Variants in NEDD1 observed in about 807,000 individuals in gnomAD.
The protein encoded by NEDD1 is protein NEDD1.
NEDD1 carries 33 observed loss-of-function variants against 74.0 expected under a neutral mutation model. The observed-to-expected ratio is 0.45, with a 90% CI of 0.34 to 0.60. The LOEUF is 0.60. Ranked by LOEUF, NEDD1 falls within the 20% of genes least tolerant of loss-of-function variation. The pLI, the probability that NEDD1 is intolerant of heterozygous loss-of-function variation, is 0.01. For missense variants in NEDD1, 746 were observed against 776.5 expected (o/e 0.96, Z 0.47); for synonymous variants, 250 against 264.4 (o/e 0.95, Z 0.53).
At chr12:96,917,279 T>C (rs1444609419) in intron 4 of NEDD1, among the ~76,000 whole-genome samples, 2 of 152,168 alleles carry the variant, frequency 1.3e-5, no homozygotes, top group Non-Finnish European at 2.9e-5. Context: ...TCTGTGGAAA[T>C]ACAAGAGCAG....
intron 6 of NEDD1, among the ~76,000 whole-genome samples, chr12:96,921,087 A>G (rs1875032000): frequency 6.6e-6 from 1 of 152,208 alleles, no homozygotes; most frequent in African/African-American, 2.4e-5. Flanking sequence ...AGCTACGTCT[A>G]AGGCTTATTG....
intron 6 of NEDD1, among the ~76,000 whole-genome samples, chr12:96,920,459 G>T (rs943491917): frequency 6.6e-6 from 1 of 152,102 alleles, no homozygotes; most frequent in African/African-American, 2.4e-5. Context: ...ACATAGCTCA[G>T]ATTTTGTCAG....
intron 6 of NEDD1, among the ~76,000 whole-genome samples, chr12:96,927,608 G>T (rs1398531354): frequency 1.3e-5 from 2 of 152,158 alleles, no homozygotes; most frequent in African/African-American, 4.8e-5. Context: ...ATCTTTAAAT[G>T]TAGGTTTTCT....
rs576175542 is a variant in NEDD1 at position 96,909,197 on chromosome 12, C to G, written c.-8-555C>G. 1.8e-4 allele frequency among the ~76,000 whole-genome samples: 25 copies of G among 141,676 alleles called. 1 individual carries two copies. In the East Asian group the frequency reaches 5.2e-3, roughly 30 times the overall value. The allele number at this position is 141,676 out of a possible 152,430, so 92.9% of individuals were successfully genotyped here. A position where few individuals can be genotyped will look rare whatever the true frequency, so the allele number is the denominator to read the frequency against. ...GTCTCAAAAAAAAAAAAAAAAAATTCAGATATTAGGAAGTGCTATGAAAAA... is the reference window on the plus strand; with the variant it reads ...GTCTCAAAAAAAAAAAAAAAAAATTGAGATATTAGGAAGTGCTATGAAAAA... On this transcript the variant is annotated intron_variant, in intron 2 of 15. Transcript: ENST00000266742.
intron 6 of NEDD1, among the ~76,000 whole-genome samples, chr12:96,923,254 AT>A (rs1196825176): frequency 6.6e-6 from 1 of 152,212 alleles, no homozygotes; most frequent in Non-Finnish European, 1.5e-5. Context: ...GCCACCATTT[AT>A]CCATTCTTTT....
intron 9 of NEDD1, among the ~76,000 whole-genome samples, chr12:96,940,052 G>C (rs1877510646): frequency 6.6e-6 from 1 of 152,010 alleles, no homozygotes; most frequent in African/African-American, 2.4e-5. Flanking sequence ...AATAGCAAAA[G>C]TAAGTTGTGT....
intron 6 of NEDD1, among the ~76,000 whole-genome samples, chr12:96,933,606 A>G (rs1399867235): frequency 6.6e-6 from 1 of 152,202 alleles, no homozygotes; most frequent in Non-Finnish European, 1.5e-5. Context: ...GGGCAAATTT[A>G]ATGGGTTAAC....
intron 2 of NEDD1, among the ~76,000 whole-genome samples, chr12:96,908,766 C>CT (rs913920971): frequency 1.1e-4 from 16 of 152,266 alleles, no homozygotes; most frequent in Admixed American, 7.8e-4. Flanking sequence ...GTTTATCATA[C>CT]TTTTTTTAAA....
At chr12:96,915,703 C>T (rs1358804637) in intron 4 of NEDD1, among the ~76,000 whole-genome samples, 1 of 152,154 alleles carries the variant, frequency 6.6e-6, no homozygotes, top group Non-Finnish European at 1.5e-5. Context: ...AGCATAGTTA[C>T]TGATGGCACC....
intron 14 of NEDD1, among the ~76,000 whole-genome samples, chr12:96,948,399 C>A (rs1404637191): frequency 6.6e-6 from 1 of 152,112 alleles, no homozygotes; most frequent in Non-Finnish European, 1.5e-5. Flanking sequence ...TCAGCTAGTT[C>A]TTTTTACTCT....
intron 9 of NEDD1, among the ~76,000 whole-genome samples, chr12:96,939,596 A>G (rs922721382): frequency 6.6e-6 from 1 of 152,002 alleles, no homozygotes; most frequent in Non-Finnish European, 1.5e-5. Flanking sequence ...TAATACAGTA[A>G]TGTGCTACCA....
chr12:96,921,432 C>T (rs929719214), intron 6 of NEDD1, among the ~76,000 whole-genome samples: 5 of 152,098 alleles, frequency 3.3e-5, no homozygotes, highest in Non-Finnish European at 7.4e-5. Flanking sequence ...CCACCTCCCT[C>T]GGCCTCCCAA....
At chr12:96,907,568 CT>C in intron 1 of NEDD1, 35 bp from the exon 2 acceptor site, 2 of 1,546,526 alleles carry the variant, frequency 1.3e-6, no homozygotes, top group Non-Finnish European at 1.8e-6. Context: ...AGTCTGTCTC[CT>C]TTTTTGTCAA....
intron 4 of NEDD1, among the ~76,000 whole-genome samples, chr12:96,914,967 C>T (rs1420459837): frequency 6.6e-6 from 1 of 152,156 alleles, no homozygotes; most frequent in Non-Finnish European, 1.5e-5. Context: ...ATATATTGAT[C>T]TTCAATGGAC....
chr12:96,921,855 A>G (rs1224305581), intron 6 of NEDD1, among the ~76,000 whole-genome samples: 2 of 150,722 alleles, frequency 1.3e-5, no homozygotes, highest in African/African-American at 4.9e-5. Flanking sequence ...GCCTCAAGTG[A>G]TCCTCCTGCC....
In NEDD1 at chr12:96,945,950, G is replaced by A. The variant is rs73370523; in HGVS notation, c.1811+101G>A. The A allele has an allele frequency of 7.2e-4, 500 of 699,082 alleles. 1 individual carries two copies. In the African/African-American group the frequency reaches 7.8e-3, roughly 11 times the overall value. The allele number at this position is 699,082 out of a possible 1,614,324, so 43.3% of individuals were successfully genotyped here. A position where few individuals can be genotyped will look rare whatever the true frequency, so the allele number is the denominator to read the frequency against. On this transcript the variant is annotated intron_variant, in intron 14 of 15. Transcript: ENST00000266742. The stretch of plus-strand genomic sequence containing the variant: ...TAATGTTGTTGGTTACTATTGTCTA[G>A]GTTCTGGTAATCCTAAAGCCATAGA...
intron 14 of NEDD1, among the ~76,000 whole-genome samples, chr12:96,950,307 CTG>C (rs1878593815): frequency 6.6e-6 from 1 of 151,950 alleles, no homozygotes; most frequent in African/African-American, 2.4e-5. Context: ...AAGAAGAACT[CTG>C]TTATACTGGT....
In NEDD1 at chr12:96,949,650, A is replaced by C. The variant is rs1172815495; in HGVS notation, c.1812-1782A>C. On this transcript the variant is annotated intron_variant, in intron 14 of 15. Coordinates refer to ENST00000266742, the MANE Select transcript of NEDD1 (RefSeq NM_152905.4). The stretch of plus-strand genomic sequence containing the variant: ...GGGGACTTATTTGTCAGATGAATAC[A>C]CTTAATTATTAAAGTATAATTAAGA... 2.6e-5 allele frequency among the ~76,000 whole-genome samples: 4 copies of C among 152,110 alleles called. No individual in the cohort carries two copies. In the East Asian group the frequency reaches 5.8e-4, roughly 22 times the overall value.
At position 96,907,461 on chromosome 12, in the gene NEDD1, G is replaced by A. The variant is rs1798688449; in HGVS notation, c.-261-143G>A. The A allele has an allele frequency of 1.8e-5, 12 of 677,242 alleles. No individual in the cohort carries two copies. The South Asian group carries it at 2.2e-4, about 12-fold the overall frequency. 42.0% of individuals were successfully genotyped at this position (677,242 alleles called of 1,614,324 possible). ...CTGGGCGGGGGCGCGGCGGCGCGCT[G>A]GGCTGGGAAGTGTCCGGGGAGGCGC... On this transcript the variant is annotated intron_variant, in intron 1 of 15. Transcript: ENST00000266742.
Sources: allele counts gnomAD v4.1 joint callset (sites outside exome capture counted in the v4.1 genomes callset), GRCh38; gene constraint gnomAD v4.1.1; transcripts MANE v1.5; gene names NCBI Gene and HGNC (gene_info 2026-07-23, HGNC 2026-07-21).